The following TAF1A variants were observed in gnomAD, a reference collection of about 807,000 sequenced individuals.
The protein encoded by TAF1A is TATA box-binding protein-associated factor RNA polymerase I subunit A.
A neutral mutation model predicts 61.6 loss-of-function variants in TAF1A; 42 were observed. The observed-to-expected ratio is 0.68, with a 90% CI of 0.53 to 0.88. The LOEUF is 0.88. Among genes scored for constraint, TAF1A ranks in the 40% least tolerant of loss-of-function variants. The probability of loss-of-function intolerance (pLI) is 0.00; values close to 1 mark genes in which losing one functional copy is unlikely to be tolerated. For missense variants in TAF1A, 424 were observed against 518.7 expected (o/e 0.82, Z 1.77); for synonymous variants, 179 against 177.7 (o/e 1.01, Z -0.06).
intron 3 of TAF1A, among the ~76,000 whole-genome samples, chr1:222,581,958 G>T (rs1354142163): frequency 6.6e-6 from 1 of 152,142 alleles, no homozygotes; most frequent in African/African-American, 2.4e-5. Context: ...TAATGAGACT[G>T]GGGATAGGAC....
intron 8 of TAF1A, 133 bp from the exon 9 acceptor site, chr1:222,563,429 C>T: frequency 9.8e-7 from 1 of 1,015,704 alleles, no homozygotes; most frequent in East Asian, 2.8e-5. Flanking sequence ...AATCATAAGC[C>T]TTCTGGTTAA....
At chr1:222,583,892 T>C (rs1039410644) in intron 3 of TAF1A, among the ~76,000 whole-genome samples, 2 of 150,000 alleles carry the variant, frequency 1.3e-5, no homozygotes, top group African/African-American at 4.9e-5. Flanking sequence ...ATGGGAAACA[T>C]CCATAAAGAG....
At chr1:222,565,411 A>AT (rs1233463444) in intron 7 of TAF1A, among the ~76,000 whole-genome samples, 1 of 152,160 alleles carries the variant, frequency 6.6e-6, no homozygotes, top group Non-Finnish European at 1.5e-5. Flanking sequence ...CAAATACCCT[A>AT]TTTTTCAAAA....
At chr1:222,554,548 G>GCTGTAAATATAGGTA (rs71564714), downstream of TAF1A, among the ~76,000 whole-genome samples, 15,858 of 152,134 alleles carry the variant, frequency 0.1, 1,137 homozygotes, top group Middle Eastern at 0.22. Context: ...AAGCCCTTGT[G>GCTGTAAATATAGGTA]CTGTAAATAT....
At chr1:222,567,163 G>A (rs911866753) in intron 7 of TAF1A, among the ~76,000 whole-genome samples, 1 of 152,166 alleles carries the variant, frequency 6.6e-6, no homozygotes, top group African/African-American at 2.4e-5. Context: ...GATGAACCTT[G>A]AAAACATTAT....
Position 222,570,357 on chromosome 1 carries a change from G to A in TAF1A, c.735+178C>T, listed in dbSNP as rs368415798. The stretch of plus-strand genomic sequence containing the variant: ...TATTTTATAGATACTTGGCCACGAC[G>A]GGTTATACAGTGGTGAAAATAAACA... On this transcript the variant is annotated intron_variant, in intron 6 of 10. Coordinates refer to ENST00000352967, the MANE Select transcript of TAF1A (RefSeq NM_005681.4). Among the ~76,000 whole-genome samples the A allele has an allele frequency of 1.1e-4, 16 of 152,162 alleles. No homozygotes were observed. In the South Asian group the frequency reaches 2.1e-3, roughly 20 times the overall value.
chr1:222,563,786 C>T (rs1317013751), intron 8 of TAF1A, among the ~76,000 whole-genome samples: 2 of 152,212 alleles, frequency 1.3e-5, no homozygotes, highest in African/African-American at 2.4e-5. Flanking sequence ...ACTGCCTTCA[C>T]ATTGTGTAAC....
rs911433703 is a variant in TAF1A at position 222,586,073 on chromosome 1, C to G, written c.122-1776G>C. ...AAGACTACTGTGCTAGACTAGTGTT[C>G]TCAGACTTTTGAATGTACATACAAA... is the stretch of plus-strand genomic sequence containing the variant. On this transcript the variant is annotated intron_variant, in intron 2 of 10. Coordinates refer to ENST00000352967, the MANE Select transcript of TAF1A (RefSeq NM_005681.4). Among the ~76,000 whole-genome samples the G allele has an allele frequency of 8.5e-5, 13 of 152,300 alleles. No individual in the cohort carries two copies. The East Asian group carries it at 2.5e-3, about 29-fold the overall frequency.
chr1:222,562,496 T>A (rs761996636), intron 9 of TAF1A, among the ~76,000 whole-genome samples: 2 of 152,140 alleles, frequency 1.3e-5, no homozygotes, highest in South Asian at 2.1e-4. Flanking sequence ...AACAGCACTG[T>A]CCCATCGGGA....
chr1:222,570,568 T>G lies in TAF1A; in HGVS notation c.702A>C (p.Gly234=). 1 of 1,612,420 alleles carries G rather than the reference T, an allele frequency of 6.2e-7. No individual in the cohort carries two copies. Among genetic ancestry groups the G allele is most frequent in the Non-Finnish European group, 8.5e-7 (1 of 1,178,904 alleles). The part of the protein sequence containing the change: ...ANISALIKIP[G]VWDPFVKSYV... ...AACTCTTCACAAAAGGGTCCCAAAC[T>G]CCAGGAATTTTAATCAATGCAGAAA... Residue 234 remains glycine (G), a synonymous_variant, in exon 6 of 11, where the codon GGA becomes GGC. Transcript: ENST00000352967.
intron 3 of TAF1A, among the ~76,000 whole-genome samples, chr1:222,583,629 A>G (rs949499286): frequency 1.3e-5 from 2 of 151,928 alleles, no homozygotes; most frequent in African/African-American, 4.8e-5. Context: ...CACGAGGTCA[A>G]GAGATTGAGA....
chr1:222,564,974 A>G (rs1189881932), intron 7 of TAF1A, among the ~76,000 whole-genome samples: 1 of 152,202 alleles, frequency 6.6e-6, no homozygotes, highest in East Asian at 1.9e-4. Flanking sequence ...ATATGGCTCA[A>G]TTCACTTAGA....
chr1:222,570,757 C>A, intron 5 of TAF1A, 92 bp from the exon 6 acceptor site: 1 of 1,255,876 alleles, frequency 8.0e-7, no homozygotes. Context: ...GAGAAAAACT[C>A]AGTTGCTGAT....
At chr1:222,559,170 T>G (rs1487152911) in intron 10 of TAF1A, among the ~76,000 whole-genome samples, 1 of 152,230 alleles carries the variant, frequency 6.6e-6, no homozygotes, top group African/African-American at 2.4e-5. Context: ...AAAAGCACAT[T>G]CGTATAGCTT....
At chr1:222,571,861 G>A (rs1200497945) in intron 5 of TAF1A, among the ~76,000 whole-genome samples, 8 of 152,200 alleles carry the variant, frequency 5.3e-5, no homozygotes, top group African/African-American at 1.7e-4. Context: ...TAATTCATAC[G>A]AAAATGCAAG....
chr1:222,559,983 T>G (rs1042688047), intron 10 of TAF1A, among the ~76,000 whole-genome samples: 2 of 152,118 alleles, frequency 1.3e-5, no homozygotes, highest in African/African-American at 4.8e-5. Flanking sequence ...CACCCTAACA[T>G]AGAGAAAAAG....
At chr1:222,582,565 A>C (rs1167041948) in intron 3 of TAF1A, among the ~76,000 whole-genome samples, 1 of 152,242 alleles carries the variant, frequency 6.6e-6, no homozygotes, top group African/African-American at 2.4e-5. Context: ...ACATAGTGTT[A>C]CCATATGACC....
intron 1 of TAF1A, 97 bp from the exon 2 acceptor site, chr1:222,588,662 T>C (rs993286273): frequency 1.5e-6 from 2 of 1,311,640 alleles, no homozygotes; most frequent in Non-Finnish European, 2.1e-6. Flanking sequence ...CTAATAAATA[T>C]AATTTGATTA....
At chr1:222,580,804 G>A (rs1413938438) in intron 3 of TAF1A, among the ~76,000 whole-genome samples, 2 of 150,562 alleles carry the variant, frequency 1.3e-5, no homozygotes, top group Non-Finnish European at 3.0e-5. Flanking sequence ...TTGAGATTAT[G>A]ATAGCTATTC....
Sources: allele counts gnomAD v4.1 joint callset (sites outside exome capture counted in the v4.1 genomes callset), GRCh38; gene constraint gnomAD v4.1.1; transcripts MANE v1.5; gene names NCBI Gene and HGNC (gene_info 2026-07-23, HGNC 2026-07-21).